ARSJ: variants seen among roughly 807,000 people sequenced by gnomAD.
The protein encoded by ARSJ is arylsulfatase family member J, also known as arylsulfatase J.
ARSJ carries 26 observed loss-of-function variants against 35.9 expected under a neutral mutation model. The observed-to-expected ratio is 0.72, with a 90% CI of 0.53 to 1.00. The LOEUF (loss-of-function observed/expected upper bound fraction) is 1.00. ARSJ is among the 50% of genes least tolerant of loss of function. The pLI is 0.00. For synonymous variants in ARSJ, 294 were observed against 267.6 expected (o/e 1.10, Z -0.96); for missense variants, 667 against 723.6 (o/e 0.92, Z 0.90).
At chr4:113,935,853 C>T (rs1724734456) in intron 1 of ARSJ, among the ~76,000 whole-genome samples, 2 of 152,036 alleles carry the variant, frequency 1.3e-5, no homozygotes, top group South Asian at 4.1e-4. Context: ...TTGAAAAACA[C>T]ATGTACAACT....
intron 1 of ARSJ, among the ~76,000 whole-genome samples, chr4:113,966,400 G>A (rs1726896365): frequency 6.6e-6 from 1 of 152,152 alleles, no homozygotes; most frequent in Non-Finnish European, 1.5e-5. Context: ...AAGTCCTTGA[G>A]GAGGAAAAAA....
chr4:113,972,453 A>G (rs956061296), intron 1 of ARSJ, among the ~76,000 whole-genome samples: 1 of 152,014 alleles, frequency 6.6e-6, no homozygotes, highest in Non-Finnish European at 1.5e-5. Context: ...TCCTTTCCCC[A>G]TCCCAACTCC....
chr4:113,961,398 C>A (rs1726528337), intron 1 of ARSJ, among the ~76,000 whole-genome samples: 1 of 152,102 alleles, frequency 6.6e-6, no homozygotes, highest in African/African-American at 2.4e-5. Context: ...TTTGGGCTAA[C>A]ATGTTACATC....
At chr4:113,934,155 G>A (rs924209951) in intron 1 of ARSJ, among the ~76,000 whole-genome samples, 8 of 151,818 alleles carry the variant, frequency 5.3e-5, no homozygotes, top group Non-Finnish European at 1.2e-4. Context: ...ACTGCTGGTG[G>A]AAATATAAAT....
intron 1 of ARSJ, among the ~76,000 whole-genome samples, chr4:113,906,425 A>G (rs2099668762): frequency 6.6e-6 from 1 of 152,242 alleles, no homozygotes; most frequent in Admixed American, 6.5e-5. Context: ...CTGCAGATAA[A>G]TAGGAGTTCA....
Position 113,929,968 on chromosome 4 carries a change from T to A in ARSJ, c.399-26293A>T, listed in dbSNP as rs184193576. On this transcript the variant is annotated intron_variant, in intron 1 of 1. Coordinates refer to ENST00000315366, the MANE Select transcript of ARSJ (RefSeq NM_024590.4). ...TTTGCATAACTCTCTAAACAGTTCA[T>A]GTCAAGGGCTATCAGTGTTCTCTAT... is the stretch of plus-strand genomic sequence containing the variant. Among the ~76,000 whole-genome samples the A allele has an allele frequency of 4.6e-5, 7 of 152,224 alleles. No homozygotes were observed. In the East Asian group the frequency reaches 1.4e-3, roughly 29 times the overall value.
chr4:113,979,110 A>G lies in ARSJ; in HGVS notation c.-276T>C, dbSNP rs1027008930. 5.9e-6 allele frequency: 2 copies of G among 338,510 alleles called. No individual in the cohort carries two copies. Among genetic ancestry groups the G allele is most frequent in the Non-Finnish European group, 1.1e-5 (2 of 186,174 alleles). 21.0% of individuals were successfully genotyped at this position (338,510 alleles called of 1,614,324 possible). On this transcript the variant is annotated 5_prime_UTR_variant, in exon 1 of 2. Transcript: ENST00000315366. ...TAGAGCAGCTTCCACCAAGGAAAAA[A>G]AAAAGAAAAAAGTTAATATCTCCAC...
intron 1 of ARSJ, among the ~76,000 whole-genome samples, chr4:113,939,538 G>A (rs1457564548): frequency 2.6e-5 from 4 of 152,240 alleles, no homozygotes; most frequent in East Asian, 3.9e-4. Context: ...CAGTGTAAAA[G>A]TGTTCCTGTT....
Position 113,903,649 on chromosome 4 carries a change from T to C in ARSJ, c.425A>G (p.His142Arg). 1 of 1,613,374 alleles carries C rather than the reference T, an allele frequency of 6.2e-7. No homozygotes were observed. The highest frequency in any genetic ancestry group is 8.5e-7 in the Non-Finnish European group (1 of 1,179,352). Residue 142 changes from histidine to arginine, a missense_variant, in exon 2 of 2, where the codon CAT becomes CGT. Transcript: ENST00000315366. ...GGGTTGGGTAGGTCTTATGATAGAA[T>C]GTTGAAGTCCGGTGTGTATCTGATA... ...GKYQIHTGLQ[H>R]SIIRPTQPNC... is the part of the protein sequence containing the mutation.
At chr4:113,907,158 G>C (rs963339074) in intron 1 of ARSJ, among the ~76,000 whole-genome samples, 4 of 152,220 alleles carry the variant, frequency 2.6e-5, no homozygotes, top group African/African-American at 9.6e-5. Flanking sequence ...AAAGATGCCA[G>C]AAGTCTTGAG....
chr4:113,932,420 C>T, intron 1 of ARSJ, among the ~76,000 whole-genome samples: 1 of 152,004 alleles, frequency 6.6e-6, no homozygotes, highest in Admixed American at 6.6e-5. Context: ...TTTTCAACAG[C>T]AAATGGAACA....
rs1229673054 is a variant in ARSJ at position 113,978,848 on chromosome 4, A to G, written c.-14T>C. ...CCTGGGAGCCATTCACTCAGGTCCC[A>G]GGTGAGACTCCACGCGGAGAACCAC... On this transcript the variant is annotated 5_prime_UTR_variant, in exon 1 of 2. Transcript: ENST00000315366. The G allele has an allele frequency of 6.3e-7, 1 of 1,578,352 alleles. No homozygotes were observed. The highest frequency in any genetic ancestry group is 8.6e-7 in the Non-Finnish European group (1 of 1,165,028).
rs184899917 is a variant in ARSJ, at chr4:113,945,193, A to G, written c.398+33244T>C. ...GTCTTACTCTTGTCACCCAGGCTGGAGTGCAATGGTGAAATCACAGCTCAC... is the reference window on the plus strand; with the variant it reads ...GTCTTACTCTTGTCACCCAGGCTGGGGTGCAATGGTGAAATCACAGCTCAC... On this transcript the variant is annotated intron_variant, in intron 1 of 1. Coordinates refer to ENST00000315366, the MANE Select transcript of ARSJ (RefSeq NM_024590.4). Among the ~76,000 whole-genome samples the G allele has an allele frequency of 3.7e-3, 559 of 152,170 alleles. 6 individuals are homozygous for G. Among genetic ancestry groups the G allele is most frequent in the African/African-American group, 0.013 (536 of 41,548 alleles).
intron 1 of ARSJ, among the ~76,000 whole-genome samples, chr4:113,969,655 C>A (rs4240288): frequency 0.62 from 94,343 of 152,004 alleles, 29,704 homozygotes; most frequent in Middle Eastern, 0.68. Flanking sequence ...TCAGAAATAT[C>A]AAAAAATGTA....
chr4:113,971,460 C>G (rs1356956897), intron 1 of ARSJ, among the ~76,000 whole-genome samples: 1 of 152,132 alleles, frequency 6.6e-6, no homozygotes, highest in Non-Finnish European at 1.5e-5. Context: ...AAATTATGGA[C>G]TTTGAGCTTA....
At chr4:113,965,708 C>G (rs1298065066) in intron 1 of ARSJ, among the ~76,000 whole-genome samples, 2 of 151,942 alleles carry the variant, frequency 1.3e-5, no homozygotes, top group Admixed American at 6.6e-5. Context: ...ATTAACAAGA[C>G]TTTATGCTCA....
chr4:113,922,735 T>G (rs904366683), intron 1 of ARSJ, among the ~76,000 whole-genome samples: 1 of 152,198 alleles, frequency 6.6e-6, no homozygotes, highest in East Asian at 1.9e-4. Context: ...ATGCCAGTTT[T>G]GCTTGGTTAT....
rs1165929518 is a variant in ARSJ at position 113,903,144 on chromosome 4, A to G, written c.930T>C (p.Ala310=). 6.2e-7 allele frequency: 1 copy of G among 1,614,234 alleles called. No individual in the cohort carries two copies. Reference sequence around the variant, plus strand: ...TGTTATAGAAACCATAAGTCTTTAGAGCCAATGTCACGTTGTTGATTGCTT... The same window carrying G: ...TGTTATAGAAACCATAAGTCTTTAGGGCCAATGTCACGTTGTTGATTGCTT... The part of the protein sequence containing the change: ...LDEAINNVTL[A]LKTYGFYNNS... The change falls in exon 2 of 2, where the codon GCT becomes GCC. Residue 310 remains alanine (A), a synonymous_variant. Transcript: ENST00000315366.
intron 1 of ARSJ, among the ~76,000 whole-genome samples, chr4:113,943,811 A>G (rs1725308835): frequency 6.6e-6 from 1 of 152,008 alleles, no homozygotes. Context: ...TGGGAATCAG[A>G]TCAGTATGTT....
Sources: allele counts gnomAD v4.1 joint callset (sites outside exome capture counted in the v4.1 genomes callset), GRCh38; gene constraint gnomAD v4.1.1; transcripts MANE v1.5; gene names NCBI Gene and HGNC (gene_info 2026-07-23, HGNC 2026-07-21).